Variants in TTLL5 observed in about 807,000 individuals in gnomAD.
TTLL5 encodes the protein tubulin tyrosine ligase like 5.
A neutral mutation model predicts 168.4 loss-of-function variants in TTLL5; 132 were observed. The ratio of observed to expected loss-of-function variants is 0.78; its 90% CI spans 0.68 to 0.91. The LOEUF is 0.91. Among genes scored for constraint, TTLL5 ranks in the 40% least tolerant of loss-of-function variants. The pLI is 0.00. For synonymous variants in TTLL5, 546 were observed against 558.6 expected (o/e 0.98, Z 0.32); for missense variants, 1,545 against 1,581.5 (o/e 0.98, Z 0.39).
intron 30 of TTLL5, among the ~76,000 whole-genome samples, chr14:75,889,690 G>A (rs964426109): frequency 1.3e-5 from 2 of 151,970 alleles, no homozygotes; most frequent in South Asian, 4.2e-4. Flanking sequence ...TTAGCCAGGC[G>A]TGGTGGCATG....
chr14:75,775,390 T>C (rs1195968739), intron 21 of TTLL5, 94 bp from the exon 22 acceptor site: 62 of 1,386,260 alleles, frequency 4.5e-5, no homozygotes, highest in Non-Finnish European at 5.8e-5. Flanking sequence ...ATATGTCTTC[T>C]TCCATCTCTG....
At chr14:75,808,380 G>A (rs934610268) in intron 27 of TTLL5, among the ~76,000 whole-genome samples, 3 of 152,194 alleles carry the variant, frequency 2.0e-5, no homozygotes, top group Admixed American at 1.3e-4. Flanking sequence ...GGTGATTGGA[G>A]TGTGAATTTC....
rs1253221772 is a variant in TTLL5, at chr14:75,811,189, A to ATGTGTGTG, written c.3172-8810_3172-8803dup. On this transcript the variant is annotated intron_variant, in intron 27 of 31. Transcript: ENST00000298832. The stretch of plus-strand genomic sequence containing the variant: ...TGTGTGTGTGTGTGTGTGTGTGTGT[A>ATGTGTGTG]TGTGTGTGTGTGTGTTTGGGAGTAG... 3.2e-3 allele frequency among the ~76,000 whole-genome samples: 207 copies of ATGTGTGTG among 64,032 alleles called. 1 individual carries two copies. The highest frequency in any genetic ancestry group is 5.7e-3 in the Non-Finnish European group (176 of 30,948). The allele number at this position is 64,032 out of a possible 152,430, so 42.0% of individuals were successfully genotyped here.
At chr14:75,746,828 T>C (rs572984585) in intron 17 of TTLL5, among the ~76,000 whole-genome samples, 1 of 152,258 alleles carries the variant, frequency 6.6e-6, no homozygotes, top group East Asian at 1.9e-4. Flanking sequence ...CCTCCCAAAG[T>C]GCTGAGATTA....
chr14:75,816,458 T>A (rs767263176), intron 27 of TTLL5, among the ~76,000 whole-genome samples: 2 of 152,106 alleles, frequency 1.3e-5, no homozygotes, highest in Non-Finnish European at 2.9e-5. Context: ...ACATAGTGAG[T>A]GTTCCATAAG....
At chr14:75,927,833 A>G (rs996508252) in intron 31 of TTLL5, among the ~76,000 whole-genome samples, 1 of 152,228 alleles carries the variant, frequency 6.6e-6, no homozygotes, top group Non-Finnish European at 1.5e-5. Flanking sequence ...ATAGTTTCAC[A>G]GCCTTAAGCT....
At position 75,775,546 on chromosome 14, in the gene TTLL5, A is replaced by G. The variant is rs908319583; in HGVS notation, c.2199A>G (p.Val733=). The part of the protein sequence containing the change: ...SNNLQHSLRM[V]LPSRRLALLE... Reference sequence around the variant, plus strand: ...ACCTCCAGCATTCACTGAGGATGGTATTACCCAGTCGACGATTGGCACTTC... The same window carrying G: ...ACCTCCAGCATTCACTGAGGATGGTGTTACCCAGTCGACGATTGGCACTTC... The change falls in exon 22 of 32, where the codon GTA becomes GTG. Residue 733 remains valine, a synonymous_variant. Coordinates refer to ENST00000298832, the MANE Select transcript of TTLL5 (RefSeq NM_015072.5). The G allele has an allele frequency of 7.4e-5, 119 of 1,613,950 alleles. No individual in the cohort carries two copies. Among genetic ancestry groups the G allele is most frequent in the Non-Finnish European group, 9.4e-5 (111 of 1,180,008 alleles).
At chr14:75,813,995 T>A (rs1894228233) in intron 27 of TTLL5, among the ~76,000 whole-genome samples, 1 of 152,164 alleles carries the variant, frequency 6.6e-6, no homozygotes, top group South Asian at 2.1e-4. Flanking sequence ...GACCTCCACT[T>A]TAATATCCTA....
intron 27 of TTLL5, among the ~76,000 whole-genome samples, chr14:75,806,505 T>C (rs1368617118): frequency 6.6e-6 from 1 of 152,234 alleles, no homozygotes; most frequent in East Asian, 1.9e-4. Flanking sequence ...CTATCACACA[T>C]GTTTTTGTGC....
chr14:75,754,042 T>C (rs1159716176), intron 18 of TTLL5, among the ~76,000 whole-genome samples: 1 of 152,206 alleles, frequency 6.6e-6, no homozygotes, highest in Admixed American at 6.5e-5. Flanking sequence ...TTTTAAACTT[T>C]TGGTTTTGCT....
intron 28 of TTLL5, among the ~76,000 whole-genome samples, chr14:75,828,545 T>C (rs900521637): frequency 6.6e-6 from 1 of 152,208 alleles, no homozygotes; most frequent in South Asian, 2.1e-4. Flanking sequence ...CGGTCAACAA[T>C]AGGCTATTAG....
rs375853988 is a variant in TTLL5 at position 75,669,286 on chromosome 14, C to T, written c.75-130C>T. The T allele has an allele frequency of 1.9e-5, 15 of 794,086 alleles. No individual in the cohort carries two copies. The East Asian group carries it at 2.0e-4, about 11-fold the overall frequency. 49.2% of individuals were successfully genotyped at this position (794,086 alleles called of 1,614,324 possible). On this transcript the variant is annotated intron_variant, in intron 2 of 31. Transcript: ENST00000298832. Reference sequence around the variant, plus strand: ...GCTAAGAATGGGAGATGTGATTTCCCACAGGATATTTGGGATTTGTATTCC... The same window carrying T: ...GCTAAGAATGGGAGATGTGATTTCCTACAGGATATTTGGGATTTGTATTCC...
At chr14:75,683,294 A>G (rs1884772879) in intron 4 of TTLL5, among the ~76,000 whole-genome samples, 1 of 152,238 alleles carries the variant, frequency 6.6e-6, no homozygotes, top group Non-Finnish European at 1.5e-5. Context: ...CAAGAATATT[A>G]AGAGACATCA....
At chr14:75,793,511 CATG>C (rs1283283472) in intron 27 of TTLL5, among the ~76,000 whole-genome samples, 1 of 152,118 alleles carries the variant, frequency 6.6e-6, no homozygotes, top group Admixed American at 6.5e-5. Context: ...CCTCTTATTT[CATG>C]ATCTCAGGAT....
intron 18 of TTLL5, among the ~76,000 whole-genome samples, chr14:75,762,614 C>T (rs1020662900): frequency 2.0e-5 from 3 of 152,040 alleles, no homozygotes; most frequent in Non-Finnish European, 4.4e-5. Context: ...TTATCAGATT[C>T]ATATTTTACC....
chr14:75,813,490 A>G (rs1894194505), intron 27 of TTLL5, among the ~76,000 whole-genome samples: 1 of 151,946 alleles, frequency 6.6e-6, no homozygotes, highest in African/African-American at 2.4e-5. Context: ...TTTAGTGGAG[A>G]AGGGGTTTCA....
intron 31 of TTLL5, among the ~76,000 whole-genome samples, chr14:75,939,365 A>T (rs912441583): frequency 2.0e-5 from 3 of 152,224 alleles, no homozygotes; most frequent in Non-Finnish European, 2.9e-5. Flanking sequence ...ACTGTTAGTC[A>T]CTGGTCTAGA....
At chr14:75,712,561 A>G (rs1173899283) in intron 9 of TTLL5, 1 of 151,322 alleles carries the variant, frequency 6.6e-6, no homozygotes, top group African/African-American at 2.4e-5. Context: ...TGGTTTTTGA[A>G]TAGGGGAAGA....
intron 9 of TTLL5, among the ~76,000 whole-genome samples, chr14:75,715,479 T>C (rs1046226250): frequency 2.6e-5 from 4 of 151,762 alleles, no homozygotes; most frequent in South Asian, 2.1e-4. Context: ...AAAAAGAAAA[T>C]AGTGGTCAGA....
Sources: allele counts gnomAD v4.1 joint callset (sites outside exome capture counted in the v4.1 genomes callset), GRCh38; gene constraint gnomAD v4.1.1; transcripts MANE v1.5; gene names NCBI Gene and HGNC (gene_info 2026-07-23, HGNC 2026-07-21).